CAPZB: variants seen among roughly 807,000 people sequenced by gnomAD.
The protein encoded by CAPZB is capping actin protein of muscle Z-line subunit beta.
A neutral mutation model predicts 38.1 loss-of-function variants in CAPZB; 2 were observed. The ratio of observed to expected loss-of-function variants is 0.05; its 90% CI spans 0.02 to 0.17. The LOEUF (loss-of-function observed/expected upper bound fraction) is 0.17, where lower values mean the gene tolerates loss of function less well. Ranked by LOEUF, CAPZB falls within the 10% of genes least tolerant of loss-of-function variation. CAPZB has a pLI of 1.00. For missense variants in CAPZB, 161 were observed against 334.2 expected (o/e 0.48, Z 4.04); for synonymous variants, 107 against 127.4 (o/e 0.84, Z 1.08).
At chr1:19,345,371 G>A (rs754937706) in intron 6 of CAPZB, 119 bp from the exon 7 acceptor site, 6 of 824,126 alleles carry the variant, frequency 7.3e-6, no homozygotes, top group South Asian at 7.2e-5. Context: ...GGAGCCAGCT[G>A]CAGGTATGAC....
chr1:19,369,300 G>C (rs960753883), intron 4 of CAPZB, among the ~76,000 whole-genome samples: 1 of 152,034 alleles, frequency 6.6e-6, no homozygotes, highest in Admixed American at 6.5e-5. Flanking sequence ...CCCCCACTAG[G>C]AGCAGTGGTC....
At chr1:19,475,019 T>C (rs551703586) in intron 1 of CAPZB, among the ~76,000 whole-genome samples, 3 of 152,078 alleles carry the variant, frequency 2.0e-5, no homozygotes, top group South Asian at 2.1e-4. Context: ...GTGTCCACAC[T>C]AAGTCCAAGC....
intron 2 of CAPZB, among the ~76,000 whole-genome samples, chr1:19,402,608 T>A (rs1262284854): frequency 6.6e-6 from 1 of 152,180 alleles, no homozygotes; most frequent in Non-Finnish European, 1.5e-5. Flanking sequence ...TCCTGCTCAG[T>A]CCCTGCCCAG....
At chr1:19,407,879 T>G (rs981383648) in intron 2 of CAPZB, among the ~76,000 whole-genome samples, 4 of 152,198 alleles carry the variant, frequency 2.6e-5, no homozygotes, top group African/African-American at 9.6e-5. Flanking sequence ...CAGGGCGGAC[T>G]GTGCAGCTGG....
intron 3 of CAPZB, among the ~76,000 whole-genome samples, chr1:19,383,664 A>G (rs2094188329): frequency 6.6e-6 from 1 of 152,132 alleles, no homozygotes; most frequent in Admixed American, 6.5e-5. Context: ...CACCATCTAT[A>G]TGCTGGGACA....
rs186471775 is a variant in CAPZB, at chr1:19,345,464, G to C, written c.589-212C>G. ...AAAGAGCCCAGAGGGCAGAAGCCCA[G>C]AGTCCCACTTCCAAGGGAGAAGATT... is the stretch of plus-strand genomic sequence containing the variant. On this transcript the variant is annotated intron_variant, in intron 6 of 8. Transcript: ENST00000264202. Among the ~76,000 whole-genome samples, 734 of 152,360 alleles carry C rather than the reference G, an allele frequency of 4.8e-3. 2 individuals are homozygous for C. The highest frequency in any genetic ancestry group is 7.9e-3 in the Non-Finnish European group (536 of 68,028).
chr1:19,457,184 C>A (rs1272841067), intron 1 of CAPZB, among the ~76,000 whole-genome samples: 3 of 152,170 alleles, frequency 2.0e-5, no homozygotes, highest in Non-Finnish European at 2.9e-5. Context: ...GATTAATGGA[C>A]TCTCTAATTT....
At position 19,375,531 on chromosome 1, in the gene CAPZB, A is replaced by G. The variant is rs140319007; in HGVS notation, c.329+3009T>C. ...GAACGGCACCAGCCTGGATCCCACT[A>G]CACACTGTTGCAGACCCTCGGGGTC... On this transcript the variant is annotated intron_variant, in intron 4 of 8. Transcript: ENST00000264202. 2.0e-3 allele frequency among the ~76,000 whole-genome samples: 299 copies of G among 152,366 alleles called. 3 individuals are homozygous for G. The highest frequency in any genetic ancestry group is 6.8e-3 in the African/African-American group (283 of 41,590).
intron 1 of CAPZB, among the ~76,000 whole-genome samples, chr1:19,459,563 G>A (rs946915269): frequency 1.3e-5 from 2 of 152,090 alleles, no homozygotes; most frequent in Non-Finnish European, 2.9e-5. Flanking sequence ...ACGGGATAGG[G>A]GCTGGGAGAA....
At position 19,455,573 on chromosome 1, in the gene CAPZB, C is replaced by T. The variant is rs116202755; in HGVS notation, c.3+29863G>A. 7.3e-3 allele frequency among the ~76,000 whole-genome samples: 1,112 copies of T among 152,248 alleles called. 18 individuals are homozygous for T. Among genetic ancestry groups the T allele is most frequent in the African/African-American group, 0.025 (1,059 of 41,536 alleles). On this transcript the variant is annotated intron_variant, in intron 1 of 8. Transcript: ENST00000264202. ...TGCCCACAGCAAGTGCCCTCCAATCCGTCACAGTCCCTGCCGCATCTTGGG... is the reference window on the plus strand; with the variant it reads ...TGCCCACAGCAAGTGCCCTCCAATCTGTCACAGTCCCTGCCGCATCTTGGG...
chr1:19,452,204 C>T (rs997350560), intron 1 of CAPZB, among the ~76,000 whole-genome samples: 14 of 152,194 alleles, frequency 9.2e-5, no homozygotes, highest in Admixed American at 2.6e-4. Context: ...TCCTTCCTGC[C>T]AGGCTTCTGC....
intron 1 of CAPZB, among the ~76,000 whole-genome samples, chr1:19,466,289 G>C (rs962337958): frequency 7.2e-5 from 11 of 152,220 alleles, no homozygotes; most frequent in African/African-American, 2.7e-4. Flanking sequence ...GTCCTGCCTA[G>C]CTCCAAAGCC....
At chr1:19,379,887 CAGAA>C (rs1282042599) in intron 3 of CAPZB, among the ~76,000 whole-genome samples, 2 of 152,136 alleles carry the variant, frequency 1.3e-5, no homozygotes, top group African/African-American at 2.4e-5. Flanking sequence ...ACATGGAATT[CAGAA>C]AAAGTCCTTC....
intron 1 of CAPZB, among the ~76,000 whole-genome samples, chr1:19,424,912 G>C (rs769446507): frequency 6.6e-6 from 1 of 152,166 alleles, no homozygotes; most frequent in Non-Finnish European, 1.5e-5. Context: ...CCCTGAATCC[G>C]GCCCAACAAA....
At chr1:19,358,380 C>T (rs2094033194) in intron 4 of CAPZB, among the ~76,000 whole-genome samples, 1 of 152,208 alleles carries the variant, frequency 6.6e-6, no homozygotes, top group Admixed American at 6.5e-5. Flanking sequence ...TCAAGTGATC[C>T]ACCCGCCTCA....
chr1:19,476,916 G>A (rs2094608823), intron 1 of CAPZB, among the ~76,000 whole-genome samples: 1 of 152,224 alleles, frequency 6.6e-6, no homozygotes, highest in South Asian at 2.1e-4. Context: ...AGAGAGGCAG[G>A]AGAGGGGAAT....
At chr1:19,373,690 TTTC>T (rs1309874989) in intron 4 of CAPZB, among the ~76,000 whole-genome samples, 1 of 151,568 alleles carries the variant, frequency 6.6e-6, no homozygotes, top group Non-Finnish European at 1.5e-5. Flanking sequence ...ATTTTTTAGT[TTTC>T]TTTTTTTTTT....
chr1:19,419,736 C>T lies in CAPZB; in HGVS notation c.18G>A (p.Leu6=), dbSNP rs1206658502. 2 of 1,582,646 alleles carry T rather than the reference C, an allele frequency of 1.3e-6. No individual in the cohort carries two copies. Among genetic ancestry groups the T allele is most frequent in the Non-Finnish European group, 1.7e-6 (2 of 1,160,704 alleles). ...GCCTCATTAGGTCCAAGGCACAGTC[C>T]AGCTGCTGATCACTCTGTGGAGGGA... The part of the protein sequence containing the change: MSDQQ[L]DCALDLMRRL... Residue 6 remains leucine, a synonymous_variant, in exon 2 of 9, where the codon CTG becomes CTA. Coordinates refer to ENST00000264202, the MANE Select transcript of CAPZB (RefSeq NM_004930.5).
chr1:19,345,875 G>A (rs1375434386), intron 6 of CAPZB, among the ~76,000 whole-genome samples: 1 of 152,238 alleles, frequency 6.6e-6, no homozygotes, highest in Admixed American at 6.5e-5. Flanking sequence ...GTTCTACTCT[G>A]CGAGGAGAGT....
Sources: gnomAD v4.1 joint callset for allele counts (sites outside exome capture counted in the v4.1 genomes callset) on GRCh38, gnomAD v4.1.1 for gene constraint, MANE v1.5 for transcripts, NCBI Gene and HGNC (gene_info 2026-07-23, HGNC 2026-07-21) for gene names.